The following PDE1C variants were observed in gnomAD, a reference collection of about 807,000 sequenced individuals.
The protein encoded by PDE1C is dual specificity calcium/calmodulin-dependent 3',5'-cyclic nucleotide phosphodiesterase 1C.
PDE1C carries 62 observed loss-of-function variants against 93.1 expected under a neutral mutation model. That is an observed-to-expected ratio of 0.67 (90% CI 0.54 to 0.82). The LOEUF is 0.82. PDE1C is among the 40% of genes least tolerant of loss of function. The probability of loss-of-function intolerance (pLI) is 0.00; values close to 1 mark genes in which losing one functional copy is unlikely to be tolerated. For missense variants in PDE1C, 742 were observed against 884.6 expected (o/e 0.84, Z 2.04); for synonymous variants, 325 against 310.1 (o/e 1.05, Z -0.50).
the PDE1C span, chr7:31,656,267 G>C: frequency 1.7e-5 from 3 of 176,818 alleles, no homozygotes; most frequent in Admixed American, 2.0e-4. Context: ...AGACTATCTG[G>C]AGGAAAGTAC....
At chr7:31,823,801 T>C (rs757987001) in intron 13 of PDE1C, among the ~76,000 whole-genome samples, 1 of 152,142 alleles carries the variant, frequency 6.6e-6, no homozygotes, top group Non-Finnish European at 1.5e-5. Flanking sequence ...GACTAGGTCA[T>C]GCAAAAGACC....
the PDE1C span, among the ~76,000 whole-genome samples, chr7:31,739,530 C>T: frequency 6.6e-6 from 1 of 152,276 alleles, no homozygotes; most frequent in African/African-American, 2.4e-5. Flanking sequence ...TGTAATCATT[C>T]CGGCTGCTAG....
At chr7:32,062,860 G>A (rs540425621) in intron 1 of PDE1C, among the ~76,000 whole-genome samples, 79 of 152,092 alleles carry the variant, frequency 5.2e-4, no homozygotes, top group Non-Finnish European at 8.1e-4. Flanking sequence ...GCATACAGAT[G>A]TGTATTCCTT....
the PDE1C span, among the ~76,000 whole-genome samples, chr7:31,627,131 A>C: frequency 6.6e-6 from 1 of 152,284 alleles, no homozygotes; most frequent in African/African-American, 2.4e-5. Context: ...GATTTTGTCC[A>C]CTGGAGAAGC....
chr7:32,008,830 T>C (rs1224220483), intron 2 of PDE1C, among the ~76,000 whole-genome samples: 10 of 152,222 alleles, frequency 6.6e-5, no homozygotes. Flanking sequence ...TACAAGCATA[T>C]TGAAATGTAT....
chr7:32,069,634 G>C lies in PDE1C; in HGVS notation c.101+659C>G, dbSNP rs572726687. On this transcript the variant is annotated intron_variant, in intron 1 of 17. Transcript: ENST00000396191. ...CCAAAAACAGACAGAACCCAATGAA[G>C]TGAATGAAATTCAGAGATCTCCATC... Among the ~76,000 whole-genome samples, 3 of 152,116 alleles carry C rather than the reference G, an allele frequency of 2.0e-5. No homozygotes were observed. In the South Asian group the frequency reaches 6.2e-4, roughly 32 times the overall value.
intron 15 of PDE1C, among the ~76,000 whole-genome samples, chr7:31,812,776 G>A (rs1787713178): frequency 6.6e-6 from 1 of 152,048 alleles, no homozygotes; most frequent in Non-Finnish European, 1.5e-5. Flanking sequence ...TAAGTATATT[G>A]TAAGCCTCTT....
At chr7:32,041,293 C>G (rs1791776933) in intron 2 of PDE1C, among the ~76,000 whole-genome samples, 1 of 152,180 alleles carries the variant, frequency 6.6e-6, no homozygotes, top group Non-Finnish European at 1.5e-5. Context: ...TGGACAACTC[C>G]AAACCCCTGC....
chr7:32,324,841 A>T (rs11768751), intron 1 of PDE1C, among the ~76,000 whole-genome samples: 15,908 of 152,116 alleles, frequency 0.1, 928 homozygotes, highest in Middle Eastern at 0.14. Flanking sequence ...CCCAGCTACC[A>T]GGGAGGCTGA....
At position 32,374,197 on chromosome 7, in the gene PDE1C, AGG is replaced by A. The variant is rs1784384099; in HGVS notation, c.310+53623_310+53624del. 1.6e-3 allele frequency among the ~76,000 whole-genome samples: 222 copies of A among 139,714 alleles called. 2 individuals carry two copies. The highest frequency in any genetic ancestry group is 6.2e-3 in the African/African-American group (210 of 33,832). The allele number at this position is 139,714 out of a possible 152,430, so 91.7% of individuals were successfully genotyped here. A position where few individuals can be genotyped will look rare whatever the true frequency, so the allele number is the denominator to read the frequency against. On this transcript the variant is annotated intron_variant, in intron 1 of 1. Transcript: ENST00000672256. ...AAGAAAGAAAGAAAGAAAGAAAGAG[AGG>A]GAAAGAGAGGGAAAGAAAGGGAAAG...
chr7:31,657,632 C>T, the PDE1C span, among the ~76,000 whole-genome samples: 1 of 152,162 alleles, frequency 6.6e-6, no homozygotes, highest in Non-Finnish European at 1.5e-5. Context: ...GAATGATTAT[C>T]TGTGTAATCT....
chr7:32,209,107 C>T (rs2128841171), intron 2 of PDE1C, among the ~76,000 whole-genome samples: 1 of 152,344 alleles, frequency 6.6e-6, no homozygotes, highest in Middle Eastern at 3.4e-3. Flanking sequence ...TTCTCAAACT[C>T]TAATGTGAAC....
chr7:32,374,175 A>AAAGAAAG (rs1554313938), intron 1 of PDE1C, among the ~76,000 whole-genome samples: 1 of 19,378 alleles, frequency 5.2e-5, no homozygotes, highest in African/African-American at 3.1e-4. Flanking sequence ...AGAAAGAAAG[A>AAAGAAAG]AAGAAAGAAA....
At chr7:32,153,573 C>T (rs1426524536) in intron 3 of PDE1C, among the ~76,000 whole-genome samples, 1 of 152,196 alleles carries the variant, frequency 6.6e-6, no homozygotes, top group African/African-American at 2.4e-5. Flanking sequence ...AAGTTTTAAA[C>T]ATGCACTTCC....
the PDE1C span, among the ~76,000 whole-genome samples, chr7:31,699,789 ATTAT>A: frequency 6.6e-6 from 1 of 151,932 alleles, no homozygotes; most frequent in Non-Finnish European, 1.5e-5. Context: ...GAATTTTATT[ATTAT>A]TATTATCATT....
At chr7:31,730,014 T>C in the PDE1C span, among the ~76,000 whole-genome samples, 1 of 152,140 alleles carries the variant, frequency 6.6e-6, no homozygotes, top group East Asian at 1.9e-4. Flanking sequence ...ACTCTACCTC[T>C]CTTAGCATCC....
chr7:31,680,083 G>A, the PDE1C span, among the ~76,000 whole-genome samples: 1 of 152,168 alleles, frequency 6.6e-6, no homozygotes. Context: ...TTTTCAGCAT[G>A]TGTCTCATCT....
At chr7:31,869,876 G>T (rs370240068) in intron 6 of PDE1C, among the ~76,000 whole-genome samples, 1 of 151,940 alleles carries the variant, frequency 6.6e-6, no homozygotes, top group Non-Finnish European at 1.5e-5. Context: ...CACAAAATAA[G>T]TCTCAAAAAA....
intron 1 of PDE1C, among the ~76,000 whole-genome samples, chr7:32,359,552 T>C (rs1254484507): frequency 6.6e-6 from 1 of 152,244 alleles, no homozygotes; most frequent in Non-Finnish European, 1.5e-5. Context: ...ACATAGTAAG[T>C]GCTCGGTTAA....
Sources: gnomAD v4.1 joint callset for allele counts (sites outside exome capture counted in the v4.1 genomes callset) on GRCh38, gnomAD v4.1.1 for gene constraint, MANE v1.5 for transcripts, NCBI Gene and HGNC (gene_info 2026-07-23, HGNC 2026-07-21) for gene names.